NRXN1: variants seen among roughly 807,000 people sequenced by gnomAD.
The protein encoded by NRXN1 is neurexin 1.
In NRXN1, 39 loss-of-function variants were observed where a neutral mutation model predicts 150.9. The observed-to-expected ratio is 0.26, with a 90% CI of 0.20 to 0.34. NRXN1 has a LOEUF of 0.34. Ranked by LOEUF, NRXN1 falls within the 10% of genes least tolerant of loss-of-function variation. The probability of loss-of-function intolerance (pLI) is 1.00; values close to 1 mark genes in which losing one functional copy is unlikely to be tolerated. For missense variants in NRXN1, 1,815 were observed against 1,949.9 expected, an observed-to-expected ratio of 0.93 and a Z score of 1.30; for synonymous variants, 924 against 757.0, an observed-to-expected ratio of 1.22 and a Z score of -3.62.
chr2:50,243,577 T>C (rs191924323), intron 17 of NRXN1, among the ~76,000 whole-genome samples: 2 of 152,002 alleles, frequency 1.3e-5, no homozygotes, highest in East Asian at 3.9e-4. Context: ...AGGATCACTG[T>C]CCACACACTA....
intron 5 of NRXN1, among the ~76,000 whole-genome samples, chr2:50,751,884 GA>G (rs1161981095): frequency 6.6e-6 from 1 of 152,034 alleles, no homozygotes; most frequent in African/African-American, 2.4e-5. Flanking sequence ...TCCTATTCCA[GA>G]AAACTATTTG....
At chr2:50,408,837 AT>A (rs2082936879) in intron 17 of NRXN1, among the ~76,000 whole-genome samples, 1 of 136,534 alleles carries the variant, frequency 7.3e-6, no homozygotes, top group Non-Finnish European at 1.6e-5. Context: ...ATCAATCTCA[AT>A]CTCTCTCTCT....
At chr2:50,630,796 G>A (rs772506017) in intron 5 of NRXN1, among the ~76,000 whole-genome samples, 16 of 151,692 alleles carry the variant, frequency 1.1e-4, no homozygotes, top group Non-Finnish European at 2.2e-4. Context: ...ATATTTGGGT[G>A]AGAGCCCTGC....
chr2:50,546,127 T>C (rs1298194348), intron 9 of NRXN1, among the ~76,000 whole-genome samples: 1 of 152,082 alleles, frequency 6.6e-6, no homozygotes, highest in Non-Finnish European at 1.5e-5. Context: ...CTAATCAGAC[T>C]TACAATGGGA....
chr2:50,324,624 C>T (rs2076268598), intron 17 of NRXN1, among the ~76,000 whole-genome samples: 1 of 152,238 alleles, frequency 6.6e-6, no homozygotes, highest in South Asian at 2.1e-4. Flanking sequence ...TCATTGCAAG[C>T]TCCGCCTCCC....
At chr2:50,721,003 C>G (rs1696569824) in intron 5 of NRXN1, among the ~76,000 whole-genome samples, 1 of 152,176 alleles carries the variant, frequency 6.6e-6, no homozygotes, top group African/African-American at 2.4e-5. Flanking sequence ...TCCTGGGAGT[C>G]AGAGATTCTC....
Position 50,328,787 on chromosome 2 carries a change from G to A in NRXN1, c.3365-91817C>T, listed in dbSNP as rs114609746. 6.2e-3 allele frequency among the ~76,000 whole-genome samples: 948 copies of A among 152,112 alleles called. 4 individuals carry two copies. The highest frequency in any genetic ancestry group is 0.01 in the Non-Finnish European group (707 of 67,994). On this transcript the variant is annotated intron_variant, in intron 17 of 22. Coordinates refer to ENST00000401669, the MANE Select transcript of NRXN1 (RefSeq NM_001330078.2). ...AAACTTTTCATTTCCTACTAATTCC[G>A]TCACCGCTATAAACTTCTGTCACCT...
At chr2:50,865,579 AATGTGTGTGTGTGTGT>A (rs1260339517) in intron 5 of NRXN1, among the ~76,000 whole-genome samples, 1 of 93,880 alleles carries the variant, frequency 1.1e-5, no homozygotes, top group Non-Finnish European at 2.1e-5. Context: ...CAAATATATA[AATGTGTGTGTGTGTGT>A]GTGTGTGTGT....
In NRXN1 at chr2:50,053,990, T is replaced by A. The variant is rs567041271; in HGVS notation, c.3809-400A>T. On this transcript the variant is annotated intron_variant, in intron 20 of 22. Transcript: ENST00000401669. The stretch of plus-strand genomic sequence containing the variant: ...ATTACCACTGACAGAAACTAATACA[T>A]AGCAGCTGAAATCTAATTTAAATTT... Among the ~76,000 whole-genome samples, 34 of 152,328 alleles carry A rather than the reference T, an allele frequency of 2.2e-4. 2 individuals carry two copies. In the South Asian group the frequency reaches 6.8e-3, roughly 31 times the overall value.
intron 17 of NRXN1, among the ~76,000 whole-genome samples, chr2:50,452,472 G>C (rs557779135): frequency 1.3e-5 from 2 of 152,242 alleles, no homozygotes; most frequent in East Asian, 3.9e-4. Flanking sequence ...CACAGCTGAA[G>C]TGACTTGCTC....
intron 17 of NRXN1, among the ~76,000 whole-genome samples, chr2:50,351,299 G>C (rs1409802588): frequency 1.3e-5 from 2 of 152,158 alleles, no homozygotes; most frequent in African/African-American, 4.8e-5. Context: ...TGTACCCCAA[G>C]AGTGTCAGTG....
intron 5 of NRXN1, among the ~76,000 whole-genome samples, chr2:50,847,899 C>T (rs942629380): frequency 6.6e-6 from 1 of 152,160 alleles, no homozygotes; most frequent in Non-Finnish European, 1.5e-5. Context: ...CTCCCTCTGG[C>T]TCAGCCATCA....
intron 2 of NRXN1, among the ~76,000 whole-genome samples, chr2:50,997,890 A>T (rs1483419833): frequency 7.1e-6 from 1 of 141,586 alleles, no homozygotes; most frequent in African/African-American, 3.0e-5. Context: ...TCTTCCTTAA[A>T]TATAATGTGG....
At chr2:50,115,450 C>A (rs1415756556) in intron 18 of NRXN1, among the ~76,000 whole-genome samples, 2 of 151,736 alleles carry the variant, frequency 1.3e-5, no homozygotes, top group East Asian at 3.9e-4. Context: ...TATGTACTTT[C>A]TCATTTAATA....
intron 17 of NRXN1, among the ~76,000 whole-genome samples, chr2:50,371,686 G>A (rs548775462): frequency 6.6e-6 from 1 of 151,980 alleles, no homozygotes; most frequent in South Asian, 2.1e-4. Context: ...TTTCATCTGT[G>A]CATTTTTATG....
chr2:50,225,110 G>A (rs2064245553), intron 18 of NRXN1, among the ~76,000 whole-genome samples: 1 of 151,948 alleles, frequency 6.6e-6, no homozygotes, highest in African/African-American at 2.4e-5. Flanking sequence ...TTTGCCTCAG[G>A]AGGTTGTAAA....
intron 21 of NRXN1, among the ~76,000 whole-genome samples, chr2:50,021,429 A>G (rs900627844): frequency 1.2e-4 from 19 of 152,266 alleles, no homozygotes; most frequent in African/African-American, 4.3e-4. Flanking sequence ...AAGTGTAAGC[A>G]AAGACAGTAA....
chr2:50,679,631 T>G (rs1197830030), intron 5 of NRXN1, among the ~76,000 whole-genome samples: 1 of 152,130 alleles, frequency 6.6e-6, no homozygotes, highest in Admixed American at 6.6e-5. Context: ...ATTCCCTTAC[T>G]GGACTTACAA....
At chr2:50,907,345 G>A (rs996370540) in intron 5 of NRXN1, among the ~76,000 whole-genome samples, 5 of 152,086 alleles carry the variant, frequency 3.3e-5, no homozygotes, top group Non-Finnish European at 5.9e-5. Flanking sequence ...GGGTATTTGG[G>A]TCTTCAACTC....
Sources: gnomAD v4.1 joint callset for allele counts (sites outside exome capture counted in the v4.1 genomes callset) on GRCh38, gnomAD v4.1.1 for gene constraint, MANE v1.5 for transcripts, NCBI Gene and HGNC (gene_info 2026-07-23, HGNC 2026-07-21) for gene names.